AKAP5: variants seen among roughly 807,000 people sequenced by gnomAD.
AKAP5 encodes the protein A-kinase anchoring protein 5.
Under a neutral mutation model 13.8 loss-of-function variants are expected in AKAP5, and 5 were observed. That is an observed-to-expected ratio of 0.36 (90% CI 0.19 to 0.76). The LOEUF is 0.76. AKAP5 is among the 30% of genes least tolerant of loss of function. The probability of loss-of-function intolerance (pLI) is 0.51; values close to 1 mark genes in which losing one functional copy is unlikely to be tolerated. For synonymous variants in AKAP5, 148 were observed against 167.2 expected (o/e 0.89, Z 0.89); for missense variants, 406 against 484.4 (o/e 0.84, Z 1.52).
rs2078652450 is a variant in AKAP5, at chr14:64,470,093, A to C, written c.*415A>C. 1 of 169,446 alleles carries C rather than the reference A, an allele frequency of 5.9e-6. No homozygotes were observed. Among genetic ancestry groups the C allele is most frequent in the African/African-American group, 2.4e-5 (1 of 41,550 alleles). 10.5% of individuals were successfully genotyped at this position (169,446 alleles called of 1,614,324 possible). On this transcript the variant is annotated 3_prime_UTR_variant, in exon 2 of 2. Transcript: ENST00000394718. ...GCTAACATCACATTAAGTTTTTAAAAACTTATTTTTTACAGTGCACATATA... is the reference window on the plus strand; with the variant it reads ...GCTAACATCACATTAAGTTTTTAAACACTTATTTTTTACAGTGCACATATA...
In AKAP5 at chr14:64,468,371, A is replaced by G. The variant is rs781028642; in HGVS notation, c.-24A>G. ...TAAGGAAGAGAGAATACAGTTTTCT[A>G]GAGAATAAGAGTGCAGTGTAAAAAT... On this transcript the variant is annotated 5_prime_UTR_variant, in exon 2 of 2. Coordinates refer to ENST00000394718, the MANE Select transcript of AKAP5 (RefSeq NM_004857.3). 1 of 1,553,806 alleles carries G rather than the reference A, an allele frequency of 6.4e-7. No homozygotes were observed. The highest frequency in any genetic ancestry group is 8.7e-7 in the Non-Finnish European group (1 of 1,153,994).
rs763647950 is a variant in AKAP5, at chr14:64,469,399, G to T, written c.1005G>T (p.Met335Ile). The T allele has an allele frequency of 3.7e-6, 6 of 1,613,744 alleles. No homozygotes were observed. The highest frequency in any genetic ancestry group is 5.1e-6 in the Non-Finnish European group (6 of 1,179,940). Residue 335 changes from methionine to isoleucine, a missense_variant, in exon 2 of 2, where the codon ATG becomes ATT. Coordinates refer to ENST00000394718, the MANE Select transcript of AKAP5 (RefSeq NM_004857.3). ...EKSKSEESKRMEPIAIIITDT... is the reference protein window; with the variant it reads ...EKSKSEESKRIEPIAIIITDT... ...CCAAATCAGAAGAAAGCAAAAGAAT[G>T]GAGCCAATTGCTATTATTATTACAG...
At position 64,469,404 on chromosome 14, in the gene AKAP5, C is replaced by T; in HGVS notation, c.1010C>T (p.Pro337Leu). ...SKSEESKRMEPIAIIITDTEI... is the reference protein window; with the variant it reads ...SKSEESKRMELIAIIITDTEI... ...TCAGAAGAAAGCAAAAGAATGGAGC[C>T]AATTGCTATTATTATTACAGACACT... Residue 337 changes from proline (P) to leucine (L), a missense_variant, in exon 2 of 2, where the codon CCA (proline) becomes CTA (leucine). Transcript: ENST00000394718. 6.2e-7 allele frequency: 1 copy of T among 1,613,832 alleles called. No homozygotes were observed. The highest frequency in any genetic ancestry group is 1.1e-5 in the South Asian group (1 of 90,998).
Position 64,469,660 on chromosome 14 carries a change from A to G in AKAP5, c.1266A>G (p.Ile422Met). 6.3e-7 allele frequency: 1 copy of G among 1,588,724 alleles called. No individual in the cohort carries two copies. The highest frequency in any genetic ancestry group is 8.5e-7 in the Non-Finnish European group (1 of 1,171,216). The stretch of plus-strand genomic sequence containing the variant: ...AAATGGCCTCTGATGATAATAAAAT[A>G]AACAATCTTCTACAGTGACTTACTC... ...VNEMASDDNK[I>M]NNLLQ The change falls in exon 2 of 2, where the codon ATA (isoleucine) becomes ATG (methionine). Residue 422 changes from isoleucine (I) to methionine (M), a missense_variant. Physicochemically the swap from Ile to Met is conservative, Grantham distance 10. Coordinates refer to ENST00000394718, the MANE Select transcript of AKAP5 (RefSeq NM_004857.3).
chr14:64,473,850 T>G lies in AKAP5; in HGVS notation c.*4172T>G, dbSNP rs1029828730. 5 of 166,908 alleles carry G rather than the reference T, an allele frequency of 3.0e-5. No individual in the cohort carries two copies. Among genetic ancestry groups the G allele is most frequent in the Admixed American group, 1.3e-4 (2 of 15,292 alleles). The allele number at this position is 166,908 out of a possible 1,614,324, so 10.3% of individuals were successfully genotyped here. On this transcript the variant is annotated 3_prime_UTR_variant, in exon 2 of 2. Coordinates refer to ENST00000394718, the MANE Select transcript of AKAP5 (RefSeq NM_004857.3). Reference sequence around the variant, plus strand: ...TCCTATGATGTTTTATTGGGTAACATGAACTCTCTTATACATAATTCAAAA... The same window carrying G: ...TCCTATGATGTTTTATTGGGTAACAGGAACTCTCTTATACATAATTCAAAA...
chr14:64,466,236 G>A (rs1032632495), intron 1 of AKAP5, among the ~76,000 whole-genome samples: 1 of 152,244 alleles, frequency 6.6e-6, no homozygotes, highest in Non-Finnish European at 1.5e-5. Context: ...TGCTGGTTAA[G>A]AGCGAATCAT....
chr14:64,470,988 C>A lies in AKAP5; in HGVS notation c.*1310C>A, dbSNP rs554724343. Reference sequence around the variant, plus strand: ...ATAATCTAGTGCAAATATTTATTCTCGGCCAAAAATGAGCCATGAATGTGG... The same window carrying A: ...ATAATCTAGTGCAAATATTTATTCTAGGCCAAAAATGAGCCATGAATGTGG... On this transcript the variant is annotated 3_prime_UTR_variant, in exon 2 of 2. Coordinates refer to ENST00000394718, the MANE Select transcript of AKAP5 (RefSeq NM_004857.3). The A allele has an allele frequency of 6.0e-6, 1 of 166,806 alleles. No individual in the cohort carries two copies. Among genetic ancestry groups the A allele is most frequent in the African/African-American group, 2.4e-5 (1 of 41,360 alleles). 10.3% of individuals were successfully genotyped at this position (166,806 alleles called of 1,614,324 possible).
rs1436724840 is a variant in AKAP5 at position 64,468,370 on chromosome 14, T to C, written c.-25T>C. The C allele has an allele frequency of 1.3e-6, 2 of 1,554,206 alleles. No homozygotes were observed. Among genetic ancestry groups the C allele is most frequent in the Admixed American group, 2.1e-5 (1 of 47,882 alleles). Reference sequence around the variant, plus strand: ...CTAAGGAAGAGAGAATACAGTTTTCTAGAGAATAAGAGTGCAGTGTAAAAA... The same window carrying C: ...CTAAGGAAGAGAGAATACAGTTTTCCAGAGAATAAGAGTGCAGTGTAAAAA... On this transcript the variant is annotated 5_prime_UTR_variant, in exon 2 of 2. Transcript: ENST00000394718.
chr14:64,468,779 T>C lies in AKAP5; in HGVS notation c.385T>C (p.Cys129Arg). Residue 129 changes from cysteine (C) to arginine (R), a missense_variant, in exon 2 of 2, where the codon TGC becomes CGC. Transcript: ENST00000394718. ...KKAKSRLKIPCIKFPRGPKRS... is the reference protein window; with the variant it reads ...KKAKSRLKIPRIKFPRGPKRS... ...GGCAAAATCTAGACTTAAGATTCCC[T>C]GCATAAAATTCCCAAGAGGGCCAAA... The C allele has an allele frequency of 6.2e-7, 1 of 1,614,194 alleles. No homozygotes were observed. Among genetic ancestry groups the C allele is most frequent in the South Asian group, 1.1e-5 (1 of 91,084 alleles).
chr14:64,471,509 T>G lies in AKAP5; in HGVS notation c.*1831T>G, dbSNP rs947472117. On this transcript the variant is annotated 3_prime_UTR_variant, in exon 2 of 2. Coordinates refer to ENST00000394718, the MANE Select transcript of AKAP5 (RefSeq NM_004857.3). ...CAAAAATGAGAAGGGCTTATTTGCATTTTTATTTACATATTGAAAGGGAAG... is the reference window on the plus strand; with the variant it reads ...CAAAAATGAGAAGGGCTTATTTGCAGTTTTATTTACATATTGAAAGGGAAG... 1 of 167,060 alleles carries G rather than the reference T, an allele frequency of 6.0e-6. No individual in the cohort carries two copies. Among genetic ancestry groups the G allele is most frequent in the Non-Finnish European group, 1.5e-5 (1 of 68,118 alleles). The allele number at this position is 167,060 out of a possible 1,614,324, so 10.3% of individuals were successfully genotyped here.
chr14:64,466,921 T>G (rs1303811830), intron 1 of AKAP5, among the ~76,000 whole-genome samples: 2 of 152,228 alleles, frequency 1.3e-5, no homozygotes, highest in Non-Finnish European at 2.9e-5. Flanking sequence ...TTATATTATC[T>G]AAGTTTGCCA....
chr14:64,466,799 T>C (rs1231499572), intron 1 of AKAP5, among the ~76,000 whole-genome samples: 1 of 152,234 alleles, frequency 6.6e-6, no homozygotes, highest in African/African-American at 2.4e-5. Context: ...CCTTTGCTTA[T>C]TTTAGGGCAT....
rs757989095 is a variant in AKAP5, at chr14:64,468,626, G to A, written c.232G>A (p.Ala78Thr). Residue 78 changes from alanine (A) to threonine (T), a missense_variant, in exon 2 of 2, where the codon GCC (alanine) becomes ACC (threonine). Transcript: ENST00000394718. ...ASDQPEPTRGAWASLKRLVTR... is the reference protein window; with the variant it reads ...ASDQPEPTRGTWASLKRLVTR... Reference sequence around the variant, plus strand: ...TGATCAGCCAGAGCCCACACGGGGGGCCTGGGCCTCACTCAAACGTCTTGT... The same window carrying A: ...TGATCAGCCAGAGCCCACACGGGGGACCTGGGCCTCACTCAAACGTCTTGT... The A allele has an allele frequency of 3.6e-5, 58 of 1,613,780 alleles. No individual in the cohort carries two copies. The highest frequency in any genetic ancestry group is 4.8e-5 in the Non-Finnish European group (57 of 1,180,038).
chr14:64,466,025 A>G (rs897129757), intron 1 of AKAP5, among the ~76,000 whole-genome samples: 4 of 152,154 alleles, frequency 2.6e-5, no homozygotes, highest in African/African-American at 9.7e-5. Context: ...AAGGGGCGTC[A>G]AGCCAGAATT....
Position 64,468,556 on chromosome 14 carries a change from A to G in AKAP5, c.162A>G (p.Glu54=). Residue 54 remains glutamate (E), a synonymous_variant, in exon 2 of 2, where the codon GAA becomes GAG. Coordinates refer to ENST00000394718, the MANE Select transcript of AKAP5 (RefSeq NM_004857.3). ...AKALKPKAGS[E]AADVARKCPQ... ...CACTGAAGCCCAAAGCTGGCTCTGA[A>G]GCTGCTGATGTGGCAAGGAAGTGTC... is the stretch of plus-strand genomic sequence containing the variant. 1 of 1,614,094 alleles carries G rather than the reference A, an allele frequency of 6.2e-7. No homozygotes were observed. Among genetic ancestry groups the G allele is most frequent in the South Asian group, 1.1e-5 (1 of 91,086 alleles).
chr14:64,468,834 A>C lies in AKAP5; in HGVS notation c.440A>C (p.Asp147Ala). The change falls in exon 2 of 2, where the codon GAC becomes GCC. Residue 147 changes from aspartate (D) to alanine (A), a missense_variant. Transcript: ENST00000394718. The part of the protein sequence containing the change: ...KRSNHSKIIE[D>A]SDCSIKVQEE... ...AGTAATCATTCCAAAATTATAGAAG[A>C]CTCAGACTGCAGCATCAAAGTCCAG... 6.2e-7 allele frequency: 1 copy of C among 1,614,106 alleles called. No homozygotes were observed. The highest frequency in any genetic ancestry group is 8.5e-7 in the Non-Finnish European group (1 of 1,180,026).
At chr14:64,467,008 A>G (rs2078619030) in intron 1 of AKAP5, 1 of 152,224 alleles carries the variant, frequency 6.6e-6, no homozygotes, top group Non-Finnish European at 1.5e-5. Context: ...AAGAATTTCA[A>G]AAGCTTGGTT....
At position 64,473,490 on chromosome 14, in the gene AKAP5, T is replaced by C. The variant is rs934788022; in HGVS notation, c.*3812T>C. The C allele has an allele frequency of 1.8e-5, 3 of 167,112 alleles. No homozygotes were observed. The highest frequency in any genetic ancestry group is 7.2e-5 in the African/African-American group (3 of 41,464). The allele number at this position is 167,112 out of a possible 1,614,324, so 10.4% of individuals were successfully genotyped here. ...AGGCTTGCTAAAGGCATTAAAGATA[T>C]GGATCATGGAGGCACCAAATTTGGC... On this transcript the variant is annotated 3_prime_UTR_variant, in exon 2 of 2. Coordinates refer to ENST00000394718, the MANE Select transcript of AKAP5 (RefSeq NM_004857.3).
chr14:64,468,117 C>A lies in AKAP5; in HGVS notation c.-263-15C>A, dbSNP rs367876980. The A allele has an allele frequency of 6.1e-5, 13 of 211,732 alleles. No homozygotes were observed. The East Asian group carries it at 7.4e-4, about 12-fold the overall frequency. The allele number at this position is 211,732 out of a possible 1,614,324, so 13.1% of individuals were successfully genotyped here. A position where few individuals can be genotyped will look rare whatever the true frequency, so the allele number is the denominator to read the frequency against. ...TCATAGTGAAATAAAATACCACTTT[C>A]TTTTCTCTCATCAGGTTGATCTTTA... On this transcript the variant is annotated splice_polypyrimidine_tract_variant and intron_variant, in intron 1 of 1. Transcript: ENST00000394718.
Sources: allele counts gnomAD v4.1 joint callset (sites outside exome capture counted in the v4.1 genomes callset), GRCh38; gene constraint gnomAD v4.1.1; transcripts MANE v1.5; gene names NCBI Gene and HGNC (gene_info 2026-07-23, HGNC 2026-07-21).